The following ABCA1 variants were observed in gnomAD, a reference collection of about 807,000 sequenced individuals.
ABCA1 encodes the protein phospholipid-transporting ATPase ABCA1.
A neutral mutation model predicts 262.5 loss-of-function variants in ABCA1; 133 were observed. The observed-to-expected ratio is 0.51, with a 90% CI of 0.44 to 0.59. ABCA1 has a LOEUF of 0.59. Among genes scored for constraint, ABCA1 ranks in the 20% least tolerant of loss-of-function variants. ABCA1 has a pLI of 0.00. For synonymous variants in ABCA1, 1,022 were observed against 1,043.5 expected (o/e 0.98, Z 0.40); for missense variants, 2,452 against 2,777.5 (o/e 0.88, Z 2.63).
chr9:104,862,049 T>TACAC lies in ABCA1; in HGVS notation c.422-253_422-250dup, dbSNP rs35010837. 0.063 allele frequency among the ~76,000 whole-genome samples: 9,123 copies of TACAC among 144,990 alleles called. 760 individuals are homozygous for TACAC. The highest frequency in any genetic ancestry group is 0.19 in the African/African-American group (7,387 of 39,116). ...AACTCAAACAGTGTGATGGTGCTGT[T>TACAC]ACACACACACACACACACACACACA... On this transcript the variant is annotated intron_variant, in intron 5 of 49. Transcript: ENST00000374736.
chr9:104,827,486 G>C (rs1322999353), intron 15 of ABCA1, among the ~76,000 whole-genome samples: 1 of 152,148 alleles, frequency 6.6e-6, no homozygotes, highest in African/African-American at 2.4e-5. Flanking sequence ...CTTATATAAG[G>C]ACTATGACTG....
chr9:104,862,631 TGCCGGGCCGGGCCGGGCCGGGCCGG>T lies in ABCA1; in HGVS notation c.422-856_422-832del, dbSNP rs1171336047. 8.3e-4 allele frequency among the ~76,000 whole-genome samples: 19 copies of T among 22,942 alleles called. 3 individuals carry two copies. Among genetic ancestry groups the T allele is most frequent in the Admixed American group, 2.6e-3 (5 of 1,912 alleles). 15.1% of individuals were successfully genotyped at this position (22,942 alleles called of 152,430 possible). On this transcript the variant is annotated intron_variant, in intron 5 of 49. Coordinates refer to ENST00000374736, the MANE Select transcript of ABCA1 (RefSeq NM_005502.4). ...CTGGAGAGCTTGTTAAAATGCAGAC[TGCCGGGCCGGGCCGGGCCGGGCCGG>T]GCCGGGCCGGGCCGGGCCGGGCCGG... is the stretch of plus-strand genomic sequence containing the variant.
intron 6 of ABCA1, chr9:104,861,477 G>T (rs1836379088): frequency 1.5e-6 from 1 of 662,974 alleles, no homozygotes; most frequent in Non-Finnish European, 2.6e-6. Context: ...GCTGGCCCAT[G>T]ACGCCAGGTT....
intron 5 of ABCA1, among the ~76,000 whole-genome samples, chr9:104,869,075 G>T (rs900675234): frequency 6.6e-6 from 1 of 152,012 alleles, no homozygotes; most frequent in Non-Finnish European, 1.5e-5. Flanking sequence ...TCAGGAAGGC[G>T]GAGGAGGAAA....
At chr9:104,801,518 C>T (rs1477258032) in intron 34 of ABCA1, among the ~76,000 whole-genome samples, 1 of 151,646 alleles carries the variant, frequency 6.6e-6, no homozygotes, top group African/African-American at 2.4e-5. Context: ...CCGCGCCCAG[C>T]CTCTGAGAGC....
At chr9:104,845,695 C>A in intron 7 of ABCA1, 126 bp from the exon 8 acceptor site, 1 of 695,966 alleles carries the variant, frequency 1.4e-6, no homozygotes, top group Non-Finnish European at 2.5e-6. Flanking sequence ...CGACTCCTAA[C>A]CAAAACTAAA....
At chr9:104,873,159 T>G (rs1837780164) in intron 5 of ABCA1, among the ~76,000 whole-genome samples, 1 of 152,214 alleles carries the variant, frequency 6.6e-6, no homozygotes, top group African/African-American at 2.4e-5. Flanking sequence ...TCAAAACTTT[T>G]GACAAGTGCA....
Position 104,832,633 on chromosome 9 carries a change from A to G in ABCA1, c.1450T>C (p.Trp484Arg), listed in dbSNP as rs1159735982. The change falls in exon 12 of 50, where the codon TGG becomes CGG. Residue 484 changes from tryptophan to arginine, a missense_variant. Coordinates refer to ENST00000374736, the MANE Select transcript of ABCA1 (RefSeq NM_005502.4). ...TTAGTCTCGTTGAAAGCTTCTCTCC[A>G]GGTGTACACAGAACCATTACTGGAC... ...VQSSNGSVYT[W>R]REAFNETNQA... 6.2e-7 allele frequency: 1 copy of G among 1,614,078 alleles called. No homozygotes were observed. The highest frequency in any genetic ancestry group is 1.3e-5 in the African/African-American group (1 of 74,934).
intron 24 of ABCA1, 62 bp from the exon 25 acceptor site, chr9:104,816,407 G>GGC (rs1267043261): frequency 9.2e-6 from 14 of 1,520,006 alleles, no homozygotes; most frequent in Non-Finnish European, 1.3e-5. Flanking sequence ...AGTGAGGGCT[G>GGC]GCCATCCCCC....
rs186040457 is a variant in ABCA1, at chr9:104,912,816, T to C, written c.-92-9045A>G. ...GAAATCAACCTTTCAACATTCTATG[T>C]CATAGAAAAAAAATCAATTTTTTTC... is the stretch of plus-strand genomic sequence containing the variant. On this transcript the variant is annotated intron_variant, in intron 1 of 49. Coordinates refer to ENST00000374736, the MANE Select transcript of ABCA1 (RefSeq NM_005502.4). 6.8e-5 allele frequency among the ~76,000 whole-genome samples: 9 copies of C among 131,430 alleles called. 1 individual carries two copies. Among genetic ancestry groups the C allele is most frequent in the Admixed American group, 5.8e-4 (8 of 13,888 alleles). 86.2% of individuals were successfully genotyped at this position (131,430 alleles called of 152,430 possible).
Position 104,907,795 on chromosome 9 carries a change from C to T in ABCA1, c.-92-4024G>A, listed in dbSNP as rs1046122098. Among the ~76,000 whole-genome samples the T allele has an allele frequency of 9.2e-5, 14 of 152,324 alleles. No individual in the cohort carries two copies. In the East Asian group the frequency reaches 1.2e-3, roughly 13 times the overall value. The stretch of plus-strand genomic sequence containing the variant: ...CCCAAGGCCAGCAGGGCCATGCAGT[C>T]GACTTCCCGCCCGTCCTCACCCTCA... On this transcript the variant is annotated intron_variant, in intron 1 of 49. Coordinates refer to ENST00000374736, the MANE Select transcript of ABCA1 (RefSeq NM_005502.4).
At chr9:104,793,610 C>A (rs140972107) in intron 40 of ABCA1, among the ~76,000 whole-genome samples, 5 of 151,700 alleles carry the variant, frequency 3.3e-5, no homozygotes, top group Non-Finnish European at 7.4e-5. Flanking sequence ...AAAAGGCAAA[C>A]GACCCAAGTA....
Position 104,889,102 on chromosome 9 carries a change from AT to A in ABCA1, c.159del (p.Glu53AspfsTer70). The A allele has an allele frequency of 6.2e-7, 1 of 1,613,510 alleles. No homozygotes were observed. The highest frequency in any genetic ancestry group is 8.5e-7 in the Non-Finnish European group (1 of 1,179,440). Reference sequence around the variant, plus strand: ...TCAGGCAACATCCACAGTTACTTACATTCATGTTGTTCATAGGGTGGGTAGC... The same window carrying A: ...TCAGGCAACATCCACAGTTACTTACATCATGTTGTTCATAGGGTGGGTAGC... ...RLSYPPYEQH[E>X]CHFPNKAMPS... On this transcript the variant is annotated frameshift_variant and splice_region_variant, in exon 3 of 50. Transcript: ENST00000374736. LOFTEE classifies it high-confidence loss of function.
chr9:104,857,876 T>C (rs1056177585), intron 7 of ABCA1, among the ~76,000 whole-genome samples: 27 of 152,188 alleles, frequency 1.8e-4, no homozygotes, highest in African/African-American at 5.8e-4. Context: ...TCAGAACACC[T>C]AGAGACATAT....
rs534392000 is a variant in ABCA1 at position 104,885,191 on chromosome 9, G to A, written c.161-623C>T. Among the ~76,000 whole-genome samples the A allele has an allele frequency of 5.4e-4, 82 of 152,238 alleles. 1 individual carries two copies. The highest frequency in any genetic ancestry group is 1.8e-3 in the African/African-American group (76 of 41,540). On this transcript the variant is annotated intron_variant, in intron 3 of 49. Coordinates refer to ENST00000374736, the MANE Select transcript of ABCA1 (RefSeq NM_005502.4). ...GGGGAGGTTGCAGTGAGCCAAGATC[G>A]CGCCATTTCACTCCAGCCTGGGCGA...
intron 5 of ABCA1, among the ~76,000 whole-genome samples, chr9:104,881,036 C>T (rs1483456062): frequency 1.3e-5 from 2 of 152,158 alleles, no homozygotes; most frequent in African/African-American, 4.8e-5. Flanking sequence ...ATAGTCCCAG[C>T]TACTCAGGAG....
chr9:104,913,775 GTTT>G (rs1221452861), intron 1 of ABCA1, among the ~76,000 whole-genome samples: 1 of 149,624 alleles, frequency 6.7e-6, no homozygotes, highest in Admixed American at 6.9e-5. Context: ...CTCCCTACAA[GTTT>G]TTATTTTATT....
rs563649286 is a variant in ABCA1 at position 104,903,872 on chromosome 9, C to A, written c.-92-101G>T. ...CAGCCCTCTCAGCTGAGACCTCCAA[C>A]ACACAGCTCTGCATCATGACTGCTT... On this transcript the variant is annotated intron_variant, in intron 1 of 49. Transcript: ENST00000374736. The A allele has an allele frequency of 2.7e-5, 17 of 634,592 alleles. 1 individual carries two copies. The East Asian group carries it at 4.1e-4, about 15-fold the overall frequency. The allele number at this position is 634,592 out of a possible 1,614,324, so 39.3% of individuals were successfully genotyped here. A position where few individuals can be genotyped will look rare whatever the true frequency, so the allele number is the denominator to read the frequency against.
At chr9:104,907,019 A>G (rs1345077092) in intron 1 of ABCA1, among the ~76,000 whole-genome samples, 1 of 152,046 alleles carries the variant, frequency 6.6e-6, no homozygotes, top group Non-Finnish European at 1.5e-5. Flanking sequence ...CCTCTCCCCG[A>G]CTTAAAACCT....
Sources: allele counts gnomAD v4.1 joint callset (sites outside exome capture counted in the v4.1 genomes callset), GRCh38; gene constraint gnomAD v4.1.1; transcripts MANE v1.5; gene names NCBI Gene and HGNC (gene_info 2026-07-23, HGNC 2026-07-21).